The following ANKRD30A variants were observed in gnomAD, a reference collection of about 807,000 sequenced individuals.
ANKRD30A encodes ankyrin repeat domain-containing protein 30A.
ANKRD30A carries 170 observed loss-of-function variants against 166.3 expected under a neutral mutation model. The ratio of observed to expected loss-of-function variants is 1.02; its 90% CI spans 0.90 to 1.16. ANKRD30A has a LOEUF of 1.16. ANKRD30A is among the 50% of genes most tolerant of loss of function. ANKRD30A has a pLI of 0.00. For missense variants in ANKRD30A, 1,630 were observed against 1,518.0 expected, an observed-to-expected ratio of 1.07 and a Z score of -1.23; for synonymous variants, 564 against 508.9, an observed-to-expected ratio of 1.11 and a Z score of -1.46.
intron 29 of ANKRD30A, among the ~76,000 whole-genome samples, chr10:37,197,753 A>G (rs536466820): frequency 4.9e-4 from 74 of 152,246 alleles, no homozygotes; most frequent in Middle Eastern, 3.4e-3. Flanking sequence ...TATTTCTTAA[A>G]GATTCAAGAA....
rs1036646284 is a variant in ANKRD30A, at chr10:37,231,640, T to G, written c.*171T>G. ...AAATTCATGATTTCTTCCTGAAGCC[T>G]ACAGACATAAAATAACAGTGTGAAG... is the stretch of plus-strand genomic sequence containing the variant. On this transcript the variant is annotated 3_prime_UTR_variant, in exon 35 of 36. Transcript: ENST00000361713. The G allele has an allele frequency of 1.4e-5, 6 of 421,556 alleles. No individual in the cohort carries two copies. Among genetic ancestry groups the G allele is most frequent in the African/African-American group, 8.3e-5 (4 of 48,440 alleles). 26.1% of individuals were successfully genotyped at this position (421,556 alleles called of 1,614,324 possible). A position where few individuals can be genotyped will look rare whatever the true frequency, so the allele number is the denominator to read the frequency against.
intron 17 of ANKRD30A, among the ~76,000 whole-genome samples, chr10:37,163,355 G>A (rs1264932280): frequency 5.8e-4 from 29 of 50,304 alleles, no homozygotes; most frequent in Admixed American, 1.0e-3. Flanking sequence ...GTGTGCCTGC[G>A]TGTGCCTGTG....
chr10:37,206,866 A>C (rs1332209084), intron 31 of ANKRD30A, among the ~76,000 whole-genome samples: 1 of 151,716 alleles, frequency 6.6e-6, no homozygotes, highest in African/African-American at 2.4e-5. Flanking sequence ...TTTTAGAAAC[A>C]AACAAAAAAT....
chr10:37,230,432 T>C (rs2132765837), intron 34 of ANKRD30A, among the ~76,000 whole-genome samples: 1 of 152,162 alleles, frequency 6.6e-6, no homozygotes, highest in Non-Finnish European at 1.5e-5. Flanking sequence ...TCCGCATTTG[T>C]TGGTTTTATA....
chr10:37,265,468 C>G, the ANKRD30A span, among the ~76,000 whole-genome samples: 1 of 152,170 alleles, frequency 6.6e-6, no homozygotes, highest in Non-Finnish European at 1.5e-5. Flanking sequence ...GGGTGTATTT[C>G]TCTGCACAGA....
chr10:37,208,512 C>T (rs1160008630), intron 31 of ANKRD30A, among the ~76,000 whole-genome samples: 1 of 152,130 alleles, frequency 6.6e-6, no homozygotes, highest in East Asian at 1.9e-4. Flanking sequence ...ACTGCACACC[C>T]CATTACAAAA....
chr10:37,130,290 CGGCT>C lies in ANKRD30A; in HGVS notation c.423_426del (p.Ala142SerfsTer38). The C allele has an allele frequency of 1.9e-6, 3 of 1,604,748 alleles. No homozygotes were observed. Among genetic ancestry groups the C allele is most frequent in the Admixed American group, 1.7e-5 (1 of 58,384 alleles). On this transcript the variant is annotated frameshift_variant, in exon 3 of 36. Coordinates refer to ENST00000361713, the MANE Select transcript of ANKRD30A (RefSeq NM_052997.3). LOFTEE classifies it high-confidence loss of function. The stretch of plus-strand genomic sequence containing the variant: ...AATCTCGTAGATGTGTATGGCAACA[CGGCT>C]CTCCATTATGCTGTTTATAGTGAGA...
the ANKRD30A span, among the ~76,000 whole-genome samples, chr10:37,258,796 T>G: frequency 6.6e-6 from 1 of 151,346 alleles, no homozygotes; most frequent in African/African-American, 2.4e-5. Flanking sequence ...ACCCCTACTC[T>G]ACTAAAAATA....
intron 21 of ANKRD30A, among the ~76,000 whole-genome samples, chr10:37,171,800 CT>C (rs1259381257): frequency 6.7e-6 from 1 of 150,212 alleles, no homozygotes; most frequent in African/African-American, 2.5e-5. Flanking sequence ...ACTGTGCTCT[CT>C]TTTTCCCTAG....
At chr10:37,227,566 T>G (rs1424542848) in intron 34 of ANKRD30A, among the ~76,000 whole-genome samples, 1 of 151,986 alleles carries the variant, frequency 6.6e-6, no homozygotes, top group African/African-American at 2.4e-5. Flanking sequence ...CAGTTATATA[T>G]TATCATACAT....
chr10:37,179,236 C>T (rs1300903492), intron 24 of ANKRD30A, among the ~76,000 whole-genome samples: 1 of 150,746 alleles, frequency 6.6e-6, no homozygotes, highest in African/African-American at 2.4e-5. Context: ...TTTTGAAAAC[C>T]ATAAAACTCT....
rs567601359 is a variant in ANKRD30A at position 37,222,771 on chromosome 10, T to C, written c.4185+2874T>C. Among the ~76,000 whole-genome samples, 8 of 151,504 alleles carry C rather than the reference T, an allele frequency of 5.3e-5. No homozygotes were observed. In the East Asian group the frequency reaches 1.6e-3, roughly 30 times the overall value. On this transcript the variant is annotated intron_variant, in intron 34 of 35. Transcript: ENST00000361713. The stretch of plus-strand genomic sequence containing the variant: ...CTTTCTCTGACTGTTCTGACTCTCA[T>C]TGACCTTATGCTTCAGGATGTGTTT...
At chr10:37,167,853 C>T (rs1167216578) in intron 19 of ANKRD30A, among the ~76,000 whole-genome samples, 4 of 141,304 alleles carry the variant, frequency 2.8e-5, no homozygotes, top group South Asian at 2.4e-4. Flanking sequence ...AACTCTTATC[C>T]GAACTGTGTG....
rs968653238 is a variant in ANKRD30A, at chr10:37,125,603, T to TG, written c.-184dup. Among the ~76,000 whole-genome samples, 8 of 152,156 alleles carry TG rather than the reference T, an allele frequency of 5.3e-5. No individual in the cohort carries two copies. Among genetic ancestry groups the TG allele is most frequent in the Non-Finnish European group, 1.0e-4 (7 of 68,030 alleles). Reference sequence around the variant, plus strand: ...CGCATGCGCTGCTGGCTAACGGCTCTGCTCAGCGCGATTCTACTGAGAGAG... The same window carrying TG: ...CGCATGCGCTGCTGGCTAACGGCTCTGGCTCAGCGCGATTCTACTGAGAGAG... On this transcript the variant is annotated 5_prime_UTR_variant, in exon 1 of 36. Coordinates refer to ENST00000361713, the MANE Select transcript of ANKRD30A (RefSeq NM_052997.3).
intron 1 of ANKRD30A, among the ~76,000 whole-genome samples, chr10:37,128,708 C>A (rs1406298363): frequency 6.6e-6 from 1 of 151,892 alleles, no homozygotes; most frequent in Non-Finnish European, 1.5e-5. Context: ...ACTCTCAGGA[C>A]CCTTTCATTC....
In ANKRD30A at chr10:37,219,604, G is replaced by T. The variant is rs374582792; in HGVS notation, c.3892G>T (p.Ala1298Ser). ...TGAAACACAGTGTCAAATGAAGGAA[G>T]CTGAACACATGTATCAAAACGAACA... Reference protein sequence around the residue: ...QRETQCQMKEAEHMYQNEQDN... With the variant: ...QRETQCQMKESEHMYQNEQDN... Residue 1298 changes from alanine to serine, a missense_variant, in exon 34 of 36, where the codon GCT (alanine) becomes TCT (serine). Around this residue, in one of 4 missense-constraint regions of ANKRD30A, gnomAD observed 712 missense variants for 629.3 expected, o/e 1.13. Transcript: ENST00000361713. The T allele has an allele frequency of 1.2e-6, 2 of 1,610,240 alleles. No individual in the cohort carries two copies. The highest frequency in any genetic ancestry group is 1.3e-5 in the African/African-American group (1 of 74,702).
At chr10:37,207,072 C>G (rs753651973) in intron 31 of ANKRD30A, among the ~76,000 whole-genome samples, 1 of 151,958 alleles carries the variant, frequency 6.6e-6, no homozygotes, top group Admixed American at 6.6e-5. Context: ...AAAAAACATT[C>G]AGATGGATAA....
Position 37,201,188 on chromosome 10 carries a change from A to G in ANKRD30A, c.2779-47A>G, listed in dbSNP as rs746463150. The G allele has an allele frequency of 9.3e-6, 13 of 1,390,612 alleles. No individual in the cohort carries two copies. The Admixed American group carries it at 1.7e-4, about 19-fold the overall frequency. 86.1% of individuals were successfully genotyped at this position (1,390,612 alleles called of 1,614,324 possible). A position where few individuals can be genotyped will look rare whatever the true frequency, so the allele number is the denominator to read the frequency against. On this transcript the variant is annotated intron_variant, in intron 30 of 35. Coordinates refer to ENST00000361713, the MANE Select transcript of ANKRD30A (RefSeq NM_052997.3). ...TTAGGAAATTTTGATAATCTTCATT[A>G]TTAGGATTTTTCCATTGAAATTATT...
chr10:37,199,369 T>G (rs1355582612), intron 29 of ANKRD30A, among the ~76,000 whole-genome samples: 2 of 152,038 alleles, frequency 1.3e-5, no homozygotes, highest in African/African-American at 4.8e-5. Flanking sequence ...CAAATAAAAA[T>G]TTACAAAGAA....
Sources: gnomAD v4.1 joint callset for allele counts (sites outside exome capture counted in the v4.1 genomes callset) on GRCh38, gnomAD v4.1.1 for gene constraint, gnomAD v4.1.1 regional missense constraint, MANE v1.5 for transcripts, NCBI Gene and HGNC (gene_info 2026-07-23, HGNC 2026-07-21) for gene names.